Variants in ABCA13 observed in about 807,000 individuals in gnomAD.
The protein encoded by ABCA13 is ATP-binding cassette sub-family A member 13.
In ABCA13, 476 loss-of-function variants were observed where a neutral mutation model predicts 478.7. The observed-to-expected ratio is 0.99, with a 90% confidence interval of 0.92 to 1.07. ABCA13 has a LOEUF of 1.07. Ranked by LOEUF, ABCA13 falls within the 50% of genes least tolerant of loss-of-function variation. ABCA13 has a pLI of 0.00. For missense variants in ABCA13, 6,060 were observed against 5,910.6 expected (o/e 1.03, Z -0.83); for synonymous variants, 2,252 against 2,158.9 (o/e 1.04, Z -1.20).
chr7:48,386,266 G>A (rs990819805), intron 35 of ABCA13, among the ~76,000 whole-genome samples: 5 of 152,182 alleles, frequency 3.3e-5, no homozygotes, highest in South Asian at 2.1e-4. Context: ...AACGTTTCAT[G>A]CTCATGGACA....
chr7:48,583,367 C>T (rs1253969538), intron 56 of ABCA13, among the ~76,000 whole-genome samples: 1 of 152,186 alleles, frequency 6.6e-6, no homozygotes, highest in African/African-American at 2.4e-5. Flanking sequence ...TTCCCTTTCC[C>T]TACTTTACGA....
chr7:48,423,297 A>G (rs1821012060), intron 41 of ABCA13, among the ~76,000 whole-genome samples: 1 of 152,214 alleles, frequency 6.6e-6, no homozygotes, highest in South Asian at 2.1e-4. Context: ...CTTATGTGAC[A>G]TGTAGGTCAA....
intron 51 of ABCA13, 107 bp from the exon 52 acceptor site, chr7:48,516,618 C>G (rs1156400354): frequency 9.1e-7 from 1 of 1,104,060 alleles, no homozygotes; most frequent in African/African-American, 1.6e-5. Flanking sequence ...TCAGTAATAT[C>G]TGCATTTTCA....
chr7:48,333,269 G>T (rs1057136007), intron 27 of ABCA13, among the ~76,000 whole-genome samples: 4 of 152,028 alleles, frequency 2.6e-5, no homozygotes, highest in Non-Finnish European at 5.9e-5. Context: ...TTATTGCATT[G>T]TCCATTTCTG....
intron 59 of ABCA13, among the ~76,000 whole-genome samples, chr7:48,621,148 G>A (rs1586010817): frequency 1.3e-5 from 2 of 152,062 alleles, no homozygotes; most frequent in African/African-American, 2.4e-5. Context: ...CACAGACACC[G>A]AGGATGATTC....
At chr7:48,530,424 G>T (rs1833151816) in intron 55 of ABCA13, among the ~76,000 whole-genome samples, 1 of 151,774 alleles carries the variant, frequency 6.6e-6, no homozygotes, top group African/African-American at 2.4e-5. Flanking sequence ...TCAAATTTTT[G>T]CAATTGCAAA....
chr7:48,610,753 G>C (rs1273803963), intron 58 of ABCA13, among the ~76,000 whole-genome samples: 1 of 152,194 alleles, frequency 6.6e-6, no homozygotes, highest in Non-Finnish European at 1.5e-5. Flanking sequence ...AGCCACCAAG[G>C]CTTACTGCTT....
At chr7:48,534,207 GA>G (rs1270366843) in intron 55 of ABCA13, among the ~76,000 whole-genome samples, 1 of 152,164 alleles carries the variant, frequency 6.6e-6, no homozygotes, top group African/African-American at 2.4e-5. Context: ...GTCTGTAAAA[GA>G]CTGTATCTTT....
intron 26 of ABCA13, among the ~76,000 whole-genome samples, chr7:48,316,613 A>G (rs914156050): frequency 6.6e-6 from 1 of 152,206 alleles, no homozygotes; most frequent in African/African-American, 2.4e-5. Flanking sequence ...AAGGAATATC[A>G]GACACTGGGT....
Position 48,468,187 on chromosome 7 carries a change from A to G in ABCA13, c.12905+1142A>G, listed in dbSNP as rs968828584. On this transcript the variant is annotated intron_variant, in intron 44 of 61. Transcript: ENST00000435803. ...AAAAAAACAAAAGGTAGAATCAATA[A>G]TTAAAGGACAGCAGAACGTATTGGA... Among the ~76,000 whole-genome samples the G allele has an allele frequency of 3.3e-5, 5 of 152,262 alleles. 1 individual carries two copies. The highest frequency in any genetic ancestry group is 3.3e-4 in the Admixed American group (5 of 15,288).
chr7:48,349,829 C>T (rs1332852667), intron 29 of ABCA13, among the ~76,000 whole-genome samples: 1 of 152,180 alleles, frequency 6.6e-6, no homozygotes, highest in Non-Finnish European at 1.5e-5. Flanking sequence ...TTCAGGAGGT[C>T]AGTGAGATAC....
intron 29 of ABCA13, 28 bp downstream of exon 29, chr7:48,338,483 TTC>T: frequency 6.5e-7 from 1 of 1,546,638 alleles, no homozygotes; most frequent in Non-Finnish European, 8.8e-7. Flanking sequence ...CATGGTAGTG[TTC>T]TTCTGCCCAT....
intron 5 of ABCA13, among the ~76,000 whole-genome samples, chr7:48,225,133 C>CTGCT (rs1171767445): frequency 1.7e-5 from 2 of 121,122 alleles, no homozygotes; most frequent in African/African-American, 6.8e-5. Flanking sequence ...GCCTGCCTGC[C>CTGCT]TGCCTTCCTT....
intron 3 of ABCA13, among the ~76,000 whole-genome samples, chr7:48,200,672 G>A (rs1341384440): frequency 2.0e-5 from 3 of 152,190 alleles, no homozygotes; most frequent in African/African-American, 7.2e-5. Context: ...AGTAAGGAAA[G>A]AGGGAGAGGG....
intron 1 of ABCA13, among the ~76,000 whole-genome samples, chr7:48,178,137 A>T (rs1795137125): frequency 6.6e-6 from 1 of 152,140 alleles, no homozygotes; most frequent in African/African-American, 2.4e-5. Flanking sequence ...ATTTCAATTG[A>T]TCTGAATTTG....
At chr7:48,211,192 T>G (rs1785600473) in intron 3 of ABCA13, among the ~76,000 whole-genome samples, 1 of 152,216 alleles carries the variant, frequency 6.6e-6, no homozygotes, top group Admixed American at 6.5e-5. Context: ...GGCTGAGCAT[T>G]GAAGAGTTAG....
At chr7:48,336,819 G>A (rs999658482) in intron 28 of ABCA13, among the ~76,000 whole-genome samples, 1 of 152,230 alleles carries the variant, frequency 6.6e-6, no homozygotes, top group African/African-American at 2.4e-5. Flanking sequence ...GGATTAATTT[G>A]TTAATACAGA....
At chr7:48,534,021 A>G (rs1262859727) in intron 55 of ABCA13, among the ~76,000 whole-genome samples, 1 of 151,570 alleles carries the variant, frequency 6.6e-6, no homozygotes, top group Non-Finnish European at 1.5e-5. Flanking sequence ...TGTTGCCTGA[A>G]TGTCTTGTTT....
chr7:48,250,211 G>A (rs1221035634), intron 15 of ABCA13, among the ~76,000 whole-genome samples: 2 of 152,138 alleles, frequency 1.3e-5, no homozygotes, highest in Non-Finnish European at 2.9e-5. Flanking sequence ...CCCTCTCCAG[G>A]CCTATCACCC....
Sources: gnomAD v4.1 joint callset for allele counts (sites outside exome capture counted in the v4.1 genomes callset) on GRCh38, gnomAD v4.1.1 for gene constraint, MANE v1.5 for transcripts, NCBI Gene and HGNC (gene_info 2026-07-23, HGNC 2026-07-21) for gene names.